SPATA1: variants seen among roughly 807,000 people sequenced by gnomAD.
SPATA1 encodes spermatogenesis associated 1.
In SPATA1, 57 loss-of-function variants were observed where a neutral mutation model predicts 59.6. That is an observed-to-expected ratio of 0.96 (90% CI 0.77 to 1.19). The LOEUF is 1.19. SPATA1 is among the 50% of genes most tolerant of loss of function. The probability of loss-of-function intolerance (pLI) is 0.00; values close to 1 mark genes in which losing one functional copy is unlikely to be tolerated. For synonymous variants in SPATA1, 147 were observed against 163.9 expected, an observed-to-expected ratio of 0.90 and a Z score of 0.79; for missense variants, 448 against 480.7, an observed-to-expected ratio of 0.93 and a Z score of 0.64.
chr1:84,546,726 A>G (rs529412521), intron 10 of SPATA1, among the ~76,000 whole-genome samples: 2 of 152,228 alleles, frequency 1.3e-5, no homozygotes, highest in South Asian at 4.1e-4. Context: ...GTCAGTCAAG[A>G]TCACCTTATA....
At chr1:84,509,734 C>T (rs913226709) in intron 1 of SPATA1, among the ~76,000 whole-genome samples, 24 of 152,144 alleles carry the variant, frequency 1.6e-4, no homozygotes, top group Admixed American at 1.5e-3. Context: ...CCATTGCACT[C>T]CAGCCGGGGT....
intron 10 of SPATA1, among the ~76,000 whole-genome samples, chr1:84,546,619 T>C (rs1469840789): frequency 1.3e-5 from 2 of 152,170 alleles, no homozygotes; most frequent in Non-Finnish European, 2.9e-5. Context: ...AGTACACTCT[T>C]GGTTCTAGGT....
intron 1 of SPATA1, among the ~76,000 whole-genome samples, chr1:84,509,319 A>G (rs1156573687): frequency 2.0e-5 from 3 of 152,214 alleles, no homozygotes; most frequent in Non-Finnish European, 4.4e-5. Flanking sequence ...TACATTGGAG[A>G]AAGGACAGTC....
chr1:84,525,368 A>G (rs1326852985), intron 4 of SPATA1, among the ~76,000 whole-genome samples: 1 of 152,256 alleles, frequency 6.6e-6, no homozygotes. Flanking sequence ...TTGGGGTCAG[A>G]TGACCTGGTT....
At chr1:84,553,169 T>C (rs747571620) in exon 13 of SPATA1, 1 of 1,104,414 alleles carries the variant, frequency 9.1e-7, no homozygotes, top group Non-Finnish European at 1.3e-6. Flanking sequence ...TTTAAATATG[T>C]ATTTGAACAG....
intron 2 of SPATA1, among the ~76,000 whole-genome samples, 161 bp downstream of exon 2, chr1:84,516,556 T>C (rs1682803450): frequency 6.6e-6 from 1 of 152,212 alleles, no homozygotes; most frequent in Admixed American, 6.5e-5. Context: ...ACTTCTCGTG[T>C]CTCTAGCTCA....
chr1:84,563,142 T>G, intron 4 of SPATA1: 1 of 625,748 alleles, frequency 1.6e-6, no homozygotes, highest in Non-Finnish European at 2.5e-6. Flanking sequence ...AATAGCAGTC[T>G]GCATGTTATG....
exon 12 of SPATA1, chr1:84,550,441 A>C (rs778287169): frequency 6.5e-7 from 1 of 1,535,700 alleles, no homozygotes; most frequent in Admixed American, 1.9e-5. Context: ...GAATTACCTA[A>C]TAATCCAGAT....
intron 4 of SPATA1, among the ~76,000 whole-genome samples, chr1:84,522,926 T>C (rs1144277): frequency 0.019 from 2,796 of 147,348 alleles, 79 homozygotes; most frequent in African/African-American, 0.064. Context: ...TTTTTTTTTT[T>C]CCGAGACGGA....
At chr1:84,555,906 G>A (rs4907081), downstream of SPATA1, 8,234 of 152,300 alleles carry the variant, frequency 0.054, 311 homozygotes, top group Non-Finnish European at 0.077. Flanking sequence ...TGTATTCTCT[G>A]TAGTTGCTAG....
chr1:84,553,499 C>T (rs949364828), exon 13 of SPATA1: 2 of 152,016 alleles, frequency 1.3e-5, no homozygotes, highest in African/African-American at 2.4e-5. Context: ...CATGAAAATA[C>T]AGACTTCATT....
intron 6 of SPATA1, among the ~76,000 whole-genome samples, chr1:84,532,008 T>C (rs1284251545): frequency 6.6e-6 from 1 of 152,198 alleles, no homozygotes; most frequent in Non-Finnish European, 1.5e-5. Context: ...TGTGGAACAT[T>C]AGTGTTAATA....
intron 4 of SPATA1, among the ~76,000 whole-genome samples, chr1:84,561,740 GAC>G (rs1684598698): frequency 6.6e-6 from 1 of 152,188 alleles, no homozygotes; most frequent in Admixed American, 6.5e-5. Flanking sequence ...GACAAGGCAA[GAC>G]ACTCTTCCAG....
chr1:84,545,903 T>C (rs1365782774), intron 10 of SPATA1, 144 bp downstream of exon 10: 1 of 531,766 alleles, frequency 1.9e-6, no homozygotes, highest in Admixed American at 4.6e-5. Flanking sequence ...AAGTTCAATA[T>C]AGAAAACATG....
chr1:84,523,925 A>G (rs1683121627), intron 4 of SPATA1, among the ~76,000 whole-genome samples: 2 of 151,980 alleles, frequency 1.3e-5, no homozygotes, highest in Non-Finnish European at 2.9e-5. Context: ...CTAATATTTT[A>G]TTATTTTAAA....
intron 9 of SPATA1, 127 bp from the exon 10 acceptor site, chr1:84,545,507 A>C (rs901842088): frequency 1.8e-6 from 2 of 1,107,268 alleles, no homozygotes; most frequent in Non-Finnish European, 2.5e-6. Context: ...TGTAGCAAGA[A>C]AAACAGTTTG....
intron 1 of SPATA1, chr1:84,506,999 A>G (rs1190540708): frequency 1.3e-5 from 2 of 152,286 alleles, no homozygotes; most frequent in African/African-American, 2.4e-5. Context: ...GTGTTTCCGG[A>G]AAGTTTGCTC....
chr1:84,522,542 A>C (rs751646548), intron 4 of SPATA1, 35 bp downstream of exon 4: 2 of 1,098,220 alleles, frequency 1.8e-6, no homozygotes. Flanking sequence ...TGATTGAGAA[A>C]GACCATACCT....
intron 6 of SPATA1, among the ~76,000 whole-genome samples, chr1:84,530,912 C>T (rs867539698): frequency 5.7e-4 from 87 of 152,156 alleles, no homozygotes; most frequent in African/African-American, 1.9e-3. Flanking sequence ...CCTCCTACTC[C>T]CTTATTTGTC....
Sources: gnomAD v4.1 joint callset for allele counts (sites outside exome capture counted in the v4.1 genomes callset) on GRCh38, gnomAD v4.1.1 for gene constraint, MANE v1.5 for transcripts, NCBI Gene and HGNC (gene_info 2026-07-23, HGNC 2026-07-21) for gene names.